SMAD1: variants seen among roughly 807,000 people sequenced by gnomAD.
The protein encoded by SMAD1 is SMAD family member 1.
Under a neutral mutation model 41.6 loss-of-function variants are expected in SMAD1, and 6 were observed. The observed-to-expected ratio is 0.14, with a 90% CI of 0.08 to 0.28. SMAD1 has a LOEUF of 0.28. SMAD1 is among the 10% of genes least tolerant of loss of function. The pLI, the probability that SMAD1 is intolerant of heterozygous loss-of-function variation, is 1.00. For missense variants in SMAD1, 379 were observed against 582.6 expected, an observed-to-expected ratio of 0.65 and a Z score of 3.60; for synonymous variants, 206 against 203.2, an observed-to-expected ratio of 1.01 and a Z score of -0.12.
Position 145,539,826 on chromosome 4 carries a change from A to C in SMAD1, c.423A>C (p.Pro141=), listed in dbSNP as rs1731817386. 9.9e-6 allele frequency: 16 copies of C among 1,614,008 alleles called. No homozygotes were observed. The East Asian group carries it at 2.2e-4, about 22-fold the overall frequency. The part of the protein sequence containing the change: ...ESPVLPPVLV[P]RHSEYNPQHS... ...TAGTACTTCCTCCTGTGCTGGTTCC[A>C]AGACACAGCGAATATAATCCTCAGC... The change falls in exon 3 of 7, where the codon CCA becomes CCC. Residue 141 remains proline (P), a synonymous_variant. Coordinates refer to ENST00000302085, the MANE Select transcript of SMAD1 (RefSeq NM_005900.3).
Position 145,520,301 on chromosome 4 carries a change from T to G in SMAD1, c.400+5288T>G, listed in dbSNP as rs538594487. 5.3e-5 allele frequency among the ~76,000 whole-genome samples: 8 copies of G among 152,350 alleles called. No individual in the cohort carries two copies. The South Asian group carries it at 1.7e-3, about 32-fold the overall frequency. ...GTGGCATTATTTACAATAGCCAAGG[T>G]ATGAAGTTAACCTGAGTGCTCTTCA... is the stretch of plus-strand genomic sequence containing the variant. On this transcript the variant is annotated intron_variant, in intron 2 of 6. Transcript: ENST00000302085.
At position 145,514,483 on chromosome 4, in the gene SMAD1, A is replaced by T; in HGVS notation, c.-131A>T. On this transcript the variant is annotated 5_prime_UTR_variant, in exon 2 of 7. Coordinates refer to ENST00000302085, the MANE Select transcript of SMAD1 (RefSeq NM_005900.3). The surrounding 1 kb of genome is among the most constrained non-coding windows in gnomAD (Gnocchi z 4.7). ...TTAAACACTAGGAATGGTAATTTCT[A>T]CTCTTCTGGACTTCAAACTAAGAAG... is the stretch of plus-strand genomic sequence containing the variant. 1.2e-6 allele frequency: 1 copy of T among 824,672 alleles called. No individual in the cohort carries two copies. The highest frequency in any genetic ancestry group is 1.8e-6 in the Non-Finnish European group (1 of 546,730). 51.1% of individuals were successfully genotyped at this position (824,672 alleles called of 1,614,324 possible). A position where few individuals can be genotyped will look rare whatever the true frequency, so the allele number is the denominator to read the frequency against.
chr4:145,541,596 T>C (rs946741644), intron 3 of SMAD1, among the ~76,000 whole-genome samples: 2 of 152,178 alleles, frequency 1.3e-5, no homozygotes, highest in Admixed American at 1.3e-4. Context: ...AGTTGTTGCT[T>C]GTTAGCAGCT....
intron 2 of SMAD1, among the ~76,000 whole-genome samples, chr4:145,537,848 G>C (rs2126505078): frequency 6.6e-6 from 1 of 152,282 alleles, no homozygotes; most frequent in East Asian, 1.9e-4. Context: ...GGAAACAAGA[G>C]CTGCTAAAAC....
At chr4:145,534,351 A>G (rs1159845485) in intron 2 of SMAD1, among the ~76,000 whole-genome samples, 1 of 152,232 alleles carries the variant, frequency 6.6e-6, no homozygotes, top group Non-Finnish European at 1.5e-5. Flanking sequence ...CAAGATATTA[A>G]TCTTTACTTA....
chr4:145,499,445 AC>A (rs1303623977), intron 1 of SMAD1, among the ~76,000 whole-genome samples: 2 of 152,084 alleles, frequency 1.3e-5, no homozygotes, highest in African/African-American at 4.8e-5. Context: ...ATGTGGCAAA[AC>A]CCTGTCACTA....
At chr4:145,533,793 C>A (rs771702317) in intron 2 of SMAD1, among the ~76,000 whole-genome samples, 1 of 152,160 alleles carries the variant, frequency 6.6e-6, no homozygotes, top group Non-Finnish European at 1.5e-5. Context: ...TTAGAAGATA[C>A]ATTGGAGAAG....
chr4:145,557,049 T>C (rs977810738), intron 6 of SMAD1, among the ~76,000 whole-genome samples: 2 of 152,160 alleles, frequency 1.3e-5, no homozygotes, highest in Admixed American at 6.5e-5. Context: ...TTCTCTGATA[T>C]TCCTCATGAA....
At chr4:145,495,299 C>T (rs1304053539) in intron 1 of SMAD1, among the ~76,000 whole-genome samples, 2 of 152,148 alleles carry the variant, frequency 1.3e-5, no homozygotes, top group African/African-American at 2.4e-5. Context: ...CACCAGCACA[C>T]AGTTTGTGTG....
At chr4:145,485,730 A>G (rs1728449222) in intron 1 of SMAD1, among the ~76,000 whole-genome samples, 1 of 152,252 alleles carries the variant, frequency 6.6e-6, no homozygotes, top group African/African-American at 2.4e-5. Context: ...CTTATTTATT[A>G]TTAGTGTCAT....
At chr4:145,510,801 A>G (rs907231964) in intron 1 of SMAD1, among the ~76,000 whole-genome samples, 10 of 152,094 alleles carry the variant, frequency 6.6e-5, no homozygotes, top group African/African-American at 1.9e-4. Context: ...TATTATGTTA[A>G]TCTCCCACTA....
chr4:145,494,548 G>A lies in SMAD1; in HGVS notation c.-177+12510G>A, dbSNP rs569153147. On this transcript the variant is annotated intron_variant, in intron 1 of 6. Transcript: ENST00000302085. ...GTGCTCGCACAGTGCCTAGTGCAGT[G>A]GTTCTCCCTTGTCTACTCATCAAAA... 4.6e-5 allele frequency among the ~76,000 whole-genome samples: 7 copies of A among 152,282 alleles called. No individual in the cohort carries two copies. The South Asian group carries it at 1.5e-3, about 32-fold the overall frequency.
At chr4:145,556,347 T>C (rs907224729) in intron 6 of SMAD1, among the ~76,000 whole-genome samples, 4 of 152,174 alleles carry the variant, frequency 2.6e-5, no homozygotes, top group African/African-American at 7.2e-5. Flanking sequence ...TTTAGGAGTT[T>C]GTTTATATTT....
Position 145,546,745 on chromosome 4 carries a change from C to G in SMAD1, c.818C>G (p.Ser273Cys), listed in dbSNP as rs1239630304. Residue 273 changes from serine to cysteine, a missense_variant, in exon 5 of 7, where the codon TCT becomes TGT. By Grantham distance (112) the Ser-to-Cys change is moderately radical. Coordinates refer to ENST00000302085, the MANE Select transcript of SMAD1 (RefSeq NM_005900.3). ...VAYEEPKHWC[S>C]IVYYELNNRV... is the part of the protein sequence containing the mutation. ...TATGAGGAACCAAAACACTGGTGCTCTATTGTCTACTATGAGCTCAACAAT... is the reference window on the plus strand; with the variant it reads ...TATGAGGAACCAAAACACTGGTGCTGTATTGTCTACTATGAGCTCAACAAT... 1.9e-6 allele frequency: 3 copies of G among 1,613,822 alleles called. No individual in the cohort carries two copies. The highest frequency in any genetic ancestry group is 2.5e-6 in the Non-Finnish European group (3 of 1,180,016).
intron 2 of SMAD1, among the ~76,000 whole-genome samples, chr4:145,524,004 A>T (rs1171042911): frequency 6.6e-6 from 1 of 152,166 alleles, no homozygotes; most frequent in Non-Finnish European, 1.5e-5. Context: ...ACTTCAAGGC[A>T]TCCTCCCACC....
chr4:145,555,528 A>G (rs1732791356), intron 6 of SMAD1, among the ~76,000 whole-genome samples: 1 of 152,166 alleles, frequency 6.6e-6, no homozygotes, highest in African/African-American at 2.4e-5. Context: ...TGAGTCTGTT[A>G]TTGAAGGACC....
chr4:145,487,582 A>C (rs1291906573), intron 1 of SMAD1, among the ~76,000 whole-genome samples: 1 of 152,160 alleles, frequency 6.6e-6, no homozygotes, highest in Non-Finnish European at 1.5e-5. Flanking sequence ...TTGATCTGGC[A>C]TCTGATTTGC....
chr4:145,522,868 C>T (rs1447006184), intron 2 of SMAD1, among the ~76,000 whole-genome samples: 2 of 151,636 alleles, frequency 1.3e-5, no homozygotes, highest in Admixed American at 6.6e-5. Context: ...TTAGTAGAGA[C>T]GGGGTTTCTC....
Position 145,539,683 on chromosome 4 carries a change from C to G in SMAD1, c.401-121C>G, listed in dbSNP as rs547661866. 1.7e-4 allele frequency: 158 copies of G among 935,918 alleles called. 2 individuals are homozygous for G. In the South Asian group the frequency reaches 2.5e-3, roughly 15 times the overall value. The allele number at this position is 935,918 out of a possible 1,614,324, so 58.0% of individuals were successfully genotyped here. On this transcript the variant is annotated intron_variant, in intron 2 of 6. Transcript: ENST00000302085. ...CATTTGAATGATGCTTTTGAGTTGGCAGCAGGACAGGGATCAGATAATTTG... is the reference window on the plus strand; with the variant it reads ...CATTTGAATGATGCTTTTGAGTTGGGAGCAGGACAGGGATCAGATAATTTG...
Sources: allele counts gnomAD v4.1 joint callset (sites outside exome capture counted in the v4.1 genomes callset), GRCh38; gene constraint gnomAD v4.1.1; non-coding constraint Gnocchi (gnomAD v3.1); transcripts MANE v1.5; gene names NCBI Gene and HGNC (gene_info 2026-07-23, HGNC 2026-07-21).